Variants in CACNA1A observed in about 807,000 individuals in gnomAD.
CACNA1A encodes calcium voltage-gated channel subunit alpha1 A.
In CACNA1A, 57 loss-of-function variants were observed where a neutral mutation model predicts 262.4. The ratio of observed to expected loss-of-function variants is 0.22; its 90% CI spans 0.18 to 0.27. CACNA1A has a LOEUF of 0.27. CACNA1A is among the 10% of genes least tolerant of loss of function. The pLI, the probability that CACNA1A is intolerant of heterozygous loss-of-function variation, is 1.00. For missense variants in CACNA1A, 2,526 were observed against 3,562.8 expected (o/e 0.71, Z 7.41); for synonymous variants, 1,431 against 1,419.3 (o/e 1.01, Z -0.18).
chr19:13,406,687 G>A (rs11881823), intron 3 of CACNA1A, among the ~76,000 whole-genome samples: 19,617 of 149,296 alleles, frequency 0.13, 2,714 homozygotes, highest in African/African-American at 0.34. Flanking sequence ...AGAGAGGGTG[G>A]GTGGGCATCC....
At chr19:13,369,037 CAAAAAA>C (rs71170503) in intron 4 of CACNA1A, among the ~76,000 whole-genome samples, 1 of 48,794 alleles carries the variant, frequency 2.0e-5, no homozygotes, top group Non-Finnish European at 4.3e-5. Flanking sequence ...GACTCCGTCT[CAAAAAA>C]AAAAAAAAAA....
intron 3 of CACNA1A, among the ~76,000 whole-genome samples, chr19:13,417,963 C>T (rs2060252380): frequency 6.6e-6 from 1 of 151,720 alleles, no homozygotes; most frequent in Non-Finnish European, 1.5e-5. Context: ...GCCCTGTCCC[C>T]TGTCAAGAGC....
intron 24 of CACNA1A, among the ~76,000 whole-genome samples, chr19:13,266,331 C>A (rs957521836): frequency 1.6e-4 from 25 of 151,608 alleles, no homozygotes; most frequent in African/African-American, 6.1e-4. Context: ...CTCAGCCTCC[C>A]AAATGGCTGG....
At chr19:13,343,587 CA>C (rs2058711416) in intron 6 of CACNA1A, among the ~76,000 whole-genome samples, 1 of 152,096 alleles carries the variant, frequency 6.6e-6, no homozygotes, top group African/African-American at 2.4e-5. Flanking sequence ...GGCCACAAAA[CA>C]ACTCTCAACA....
At chr19:13,388,094 A>C (rs1659396822) in intron 3 of CACNA1A, among the ~76,000 whole-genome samples, 2 of 151,986 alleles carry the variant, frequency 1.3e-5, no homozygotes, top group Non-Finnish European at 2.9e-5. Context: ...ACTCAGGCCA[A>C]ATATTTCTAA....
chr19:13,264,877 CTTTT>C (rs33923652), intron 24 of CACNA1A, among the ~76,000 whole-genome samples: 5 of 136,022 alleles, frequency 3.7e-5, no homozygotes, highest in African/African-American at 2.7e-5. Flanking sequence ...TCCCTTTAAT[CTTTT>C]TTTTTTTTTT....
intron 15 of CACNA1A, among the ~76,000 whole-genome samples, chr19:13,306,969 C>G (rs2057917473): frequency 6.6e-6 from 1 of 151,962 alleles, no homozygotes; most frequent in Non-Finnish European, 1.5e-5. Context: ...AACAAACTTT[C>G]TTTTCGTTTT....
At chr19:13,400,375 C>T (rs2059879482) in intron 3 of CACNA1A, among the ~76,000 whole-genome samples, 1 of 152,162 alleles carries the variant, frequency 6.6e-6, no homozygotes, top group South Asian at 2.1e-4. Context: ...CCTGTCTTGA[C>T]CCCTTGTTAT....
At chr19:13,479,821 TAAAC>T (rs1280944436) in intron 1 of CACNA1A, among the ~76,000 whole-genome samples, 4 of 152,120 alleles carry the variant, frequency 2.6e-5, no homozygotes, top group East Asian at 1.9e-4. Context: ...AAGAAGAACA[TAAAC>T]AAAGCAACAG....
chr19:13,458,350 T>C (rs1210870910), intron 1 of CACNA1A, among the ~76,000 whole-genome samples: 1 of 151,262 alleles, frequency 6.6e-6, no homozygotes, highest in Non-Finnish European at 1.5e-5. Flanking sequence ...AGAGACAGAG[T>C]CTTACTTTGT....
intron 10 of CACNA1A, among the ~76,000 whole-genome samples, chr19:13,322,641 G>A (rs1323969710): frequency 6.6e-6 from 1 of 151,370 alleles, no homozygotes; most frequent in Admixed American, 6.6e-5. Context: ...TGTCACCCAG[G>A]CTGGAGTGCA....
intron 3 of CACNA1A, among the ~76,000 whole-genome samples, chr19:13,400,800 C>G (rs117554198): frequency 1.3e-5 from 2 of 152,096 alleles, no homozygotes; most frequent in African/African-American, 4.8e-5. Flanking sequence ...AGTGCTGTGG[C>G]GGAGAAACTC....
At chr19:13,347,605 T>G (rs2058816471) in intron 6 of CACNA1A, among the ~76,000 whole-genome samples, 2 of 152,202 alleles carry the variant, frequency 1.3e-5, no homozygotes, top group African/African-American at 4.8e-5. Context: ...AGGAGCAGAT[T>G]GAGTCGTTGC....
At chr19:13,252,923 T>C (rs1568463257) in intron 30 of CACNA1A, 68 bp downstream of exon 30, 4 of 1,079,930 alleles carry the variant, frequency 3.7e-6, no homozygotes, top group South Asian at 1.3e-5. Context: ...GAGACCATCA[T>C]CCAGGACCCA....
intron 3 of CACNA1A, among the ~76,000 whole-genome samples, chr19:13,418,628 G>C (rs930482847): frequency 3.3e-5 from 5 of 152,132 alleles, no homozygotes; most frequent in African/African-American, 1.2e-4. Flanking sequence ...GCAGAGACTG[G>C]AGTGAAGCAA....
intron 10 of CACNA1A, 34 bp downstream of exon 10, chr19:13,330,210 G>A: frequency 6.9e-7 from 1 of 1,457,394 alleles, no homozygotes; most frequent in Non-Finnish European, 9.4e-7. Context: ...GATAGGTGAT[G>A]AACAACTGAT....
At chr19:13,288,797 G>A (rs769376565) in intron 19 of CACNA1A, among the ~76,000 whole-genome samples, 45 of 152,214 alleles carry the variant, frequency 3.0e-4, no homozygotes, top group Non-Finnish European at 4.0e-4. Flanking sequence ...AAATAAATAA[G>A]TAATAAATAA....
chr19:13,386,152 TAAA>T (rs1233099486), intron 3 of CACNA1A, among the ~76,000 whole-genome samples: 1 of 141,010 alleles, frequency 7.1e-6, no homozygotes, highest in Non-Finnish European at 1.5e-5. Context: ...CCTTGTCTCT[TAAA>T]AAAAAAAAAA....
At chr19:13,418,706 G>C (rs1407044495) in intron 3 of CACNA1A, among the ~76,000 whole-genome samples, 1 of 152,034 alleles carries the variant, frequency 6.6e-6, no homozygotes, top group African/African-American at 2.4e-5. Flanking sequence ...CTCGATTTCA[G>C]ACCTATGGCC....
Sources: allele counts gnomAD v4.1 joint callset (sites outside exome capture counted in the v4.1 genomes callset), GRCh38; gene constraint gnomAD v4.1.1; transcripts MANE v1.5; gene names NCBI Gene and HGNC (gene_info 2026-07-23, HGNC 2026-07-21).